Variants in ROR1 observed in about 807,000 individuals in gnomAD.
The protein encoded by ROR1 is inactive tyrosine-protein kinase transmembrane receptor ROR1.
In ROR1, 19 loss-of-function variants were observed where a neutral mutation model predicts 78.8. That is an observed-to-expected ratio of 0.24 (90% CI 0.17 to 0.35). The LOEUF (loss-of-function observed/expected upper bound fraction) is 0.35. Ranked by LOEUF, ROR1 falls within the 10% of genes least tolerant of loss-of-function variation. ROR1 has a pLI of 1.00. For synonymous variants in ROR1, 386 were observed against 433.6 expected, an observed-to-expected ratio of 0.89 and a Z score of 1.36; for missense variants, 917 against 1,177.8, an observed-to-expected ratio of 0.78 and a Z score of 3.24.
At chr1:63,874,063 T>C (rs900914958) in intron 1 of ROR1, among the ~76,000 whole-genome samples, 1 of 152,136 alleles carries the variant, frequency 6.6e-6, no homozygotes, top group African/African-American at 2.4e-5. Context: ...CTTGTTTATG[T>C]AAAAACATTT....
intron 1 of ROR1, among the ~76,000 whole-genome samples, chr1:63,831,557 A>G (rs1433221300): frequency 6.6e-6 from 1 of 152,200 alleles, no homozygotes; most frequent in Non-Finnish European, 1.5e-5. Flanking sequence ...TCAAGGTGCC[A>G]TGTCCTGAGG....
chr1:63,789,070 C>G (rs1030206507), intron 1 of ROR1: 6 of 621,912 alleles, frequency 9.6e-6, no homozygotes, highest in Non-Finnish European at 1.9e-5. Context: ...TTTCGCTTAC[C>G]TATGCCCATG....
intron 1 of ROR1, among the ~76,000 whole-genome samples, chr1:63,880,878 T>C (rs1645317790): frequency 6.6e-6 from 1 of 152,144 alleles, no homozygotes; most frequent in South Asian, 2.1e-4. Flanking sequence ...AGCCCCCAAA[T>C]GTGGTTTAAA....
intron 1 of ROR1, among the ~76,000 whole-genome samples, chr1:63,942,686 T>C (rs1339583841): frequency 2.0e-5 from 3 of 152,210 alleles, no homozygotes; most frequent in Non-Finnish European, 4.4e-5. Context: ...AAAGACACCC[T>C]GTCCTTGGAG....
At chr1:63,992,294 G>A (rs1050368422) in intron 1 of ROR1, among the ~76,000 whole-genome samples, 3 of 151,840 alleles carry the variant, frequency 2.0e-5, no homozygotes, top group Non-Finnish European at 4.4e-5. Flanking sequence ...TGCAACTTCC[G>A]ACTCCCTGGT....
intron 1 of ROR1, among the ~76,000 whole-genome samples, chr1:63,981,152 A>G (rs1452715023): frequency 1.3e-5 from 2 of 152,136 alleles, no homozygotes; most frequent in Non-Finnish European, 2.9e-5. Flanking sequence ...CCTACTCTGT[A>G]GGAGGTACAG....
At chr1:64,099,843 T>TCAAG (rs1234128165) in intron 4 of ROR1, among the ~76,000 whole-genome samples, 1 of 151,350 alleles carries the variant, frequency 6.6e-6, no homozygotes, top group East Asian at 2.0e-4. Context: ...GATCACAAGG[T>TCAAG]CAAGAGTCCA....
chr1:63,813,248 G>C (rs896079621), intron 1 of ROR1, among the ~76,000 whole-genome samples: 1 of 152,142 alleles, frequency 6.6e-6, no homozygotes, highest in Non-Finnish European at 1.5e-5. Flanking sequence ...AAATAGGTAA[G>C]TTTTAGGGAT....
chr1:63,806,290 G>T (rs892569606), intron 1 of ROR1, among the ~76,000 whole-genome samples: 7 of 149,250 alleles, frequency 4.7e-5, no homozygotes, highest in Non-Finnish European at 7.4e-5. Flanking sequence ...GGGTTTTGTT[G>T]TTAGCTTGTT....
chr1:63,844,039 G>T (rs150364362), intron 1 of ROR1, among the ~76,000 whole-genome samples: 88 of 152,244 alleles, frequency 5.8e-4, no homozygotes, highest in African/African-American at 1.9e-3. Flanking sequence ...CTAGCCTTAG[G>T]GGGGCAGCAT....
chr1:64,059,863 TGAG>T (rs1478542497), intron 4 of ROR1, among the ~76,000 whole-genome samples: 1 of 152,218 alleles, frequency 6.6e-6, no homozygotes, highest in Admixed American at 6.5e-5. Flanking sequence ...CTAGGTTAAC[TGAG>T]GAGGTCCAAA....
chr1:63,950,668 T>C (rs1323675359), intron 1 of ROR1, among the ~76,000 whole-genome samples: 3 of 152,228 alleles, frequency 2.0e-5, no homozygotes, highest in Non-Finnish European at 2.9e-5. Context: ...CTATTCAAGA[T>C]GGAGTCACTC....
At chr1:63,944,617 T>C (rs570125145) in intron 1 of ROR1, among the ~76,000 whole-genome samples, 1 of 152,298 alleles carries the variant, frequency 6.6e-6, no homozygotes, top group African/African-American at 2.4e-5. Flanking sequence ...CTGAGAATGA[T>C]TGTGCAAAGA....
intron 2 of ROR1, among the ~76,000 whole-genome samples, chr1:64,044,106 G>T (rs1646765916): frequency 6.6e-6 from 1 of 152,150 alleles, no homozygotes; most frequent in Non-Finnish European, 1.5e-5. Context: ...TTGCCCCAAA[G>T]CCCCAAACTG....
In ROR1 at chr1:64,172,673, C is replaced by T. The variant is rs183186536; in HGVS notation, c.1387-4755C>T. 1.3e-4 allele frequency among the ~76,000 whole-genome samples: 20 copies of T among 152,286 alleles called. 1 individual carries two copies. The highest frequency in any genetic ancestry group is 7.2e-4 in the Admixed American group (11 of 15,300). On this transcript the variant is annotated intron_variant, in intron 8 of 8. Coordinates refer to ENST00000371079, the MANE Select transcript of ROR1 (RefSeq NM_005012.4). ...ATTTTACACTTCTTTACATTTTGTA[C>T]ATCCCTGTATGACAAATACTTGTCA...
At chr1:64,132,816 T>C (rs1021117976) in intron 4 of ROR1, among the ~76,000 whole-genome samples, 1 of 142,320 alleles carries the variant, frequency 7.0e-6, no homozygotes, top group African/African-American at 2.6e-5. Context: ...ACTGAAATTA[T>C]CCCCAAAAAG....
At chr1:63,983,763 T>C (rs1314510413) in intron 1 of ROR1, among the ~76,000 whole-genome samples, 1 of 152,188 alleles carries the variant, frequency 6.6e-6, no homozygotes, top group African/African-American at 2.4e-5. Context: ...AAGTTTTGAC[T>C]TCAGAACCTA....
intron 1 of ROR1, among the ~76,000 whole-genome samples, chr1:63,797,468 C>G (rs1037556899): frequency 6.6e-6 from 1 of 152,206 alleles, no homozygotes; most frequent in Admixed American, 6.5e-5. Context: ...CACAGACTAT[C>G]AGAGTCCGGA....
intron 1 of ROR1, among the ~76,000 whole-genome samples, chr1:63,898,055 A>G (rs1033878053): frequency 4.6e-5 from 7 of 152,160 alleles, no homozygotes; most frequent in Non-Finnish European, 1.0e-4. Flanking sequence ...CATTTAGACA[A>G]CTGGAGGGGT....
Sources: allele counts gnomAD v4.1 joint callset (sites outside exome capture counted in the v4.1 genomes callset), GRCh38; gene constraint gnomAD v4.1.1; transcripts MANE v1.5; gene names NCBI Gene and HGNC (gene_info 2026-07-23, HGNC 2026-07-21).